The following AGBL1 variants were observed in gnomAD, a reference collection of about 807,000 sequenced individuals.
AGBL1 encodes the protein AGBL carboxypeptidase 1, also known as cytosolic carboxypeptidase 4.
Under a neutral mutation model 118.9 loss-of-function variants are expected in AGBL1, and 130 were observed. The observed-to-expected ratio is 1.09, with a 90% CI of 0.95 to 1.26. AGBL1 has a LOEUF of 1.26. Among genes scored for constraint, AGBL1 ranks in the 50% most tolerant of loss-of-function variants. The probability of loss-of-function intolerance (pLI) is 0.00; values close to 1 mark genes in which losing one functional copy is unlikely to be tolerated. For missense variants in AGBL1, 1,584 were observed against 1,298.1 expected, an observed-to-expected ratio of 1.22 and a Z score of -3.38; for synonymous variants, 555 against 478.9, an observed-to-expected ratio of 1.16 and a Z score of -2.08.
At chr15:87,006,404 C>A (rs1252360208) in intron 24 of AGBL1, among the ~76,000 whole-genome samples, 2 of 152,170 alleles carry the variant, frequency 1.3e-5, no homozygotes, top group Admixed American at 6.5e-5. Flanking sequence ...GGTGCCCCTC[C>A]CCGAGCCTCG....
intron 22 of AGBL1, among the ~76,000 whole-genome samples, chr15:86,762,414 T>C (rs893375076): frequency 2.0e-5 from 3 of 151,912 alleles, no homozygotes; most frequent in Admixed American, 2.0e-4. Flanking sequence ...AAGATGAGCG[T>C]CCTAACAAGT....
intron 24 of AGBL1, among the ~76,000 whole-genome samples, chr15:87,024,637 T>C (rs983923297): frequency 1.3e-5 from 2 of 152,040 alleles, no homozygotes; most frequent in Admixed American, 6.6e-5. Context: ...TAAATCATTC[T>C]ATGAAGCCAG....
intron 18 of AGBL1, among the ~76,000 whole-genome samples, chr15:86,452,182 A>C (rs145783016): frequency 6.6e-6 from 1 of 152,236 alleles, no homozygotes; most frequent in African/African-American, 2.4e-5. Context: ...CCTGTTCCCC[A>C]TTATAGGCAT....
At chr15:86,805,848 A>G (rs1000389130) in intron 22 of AGBL1, among the ~76,000 whole-genome samples, 1 of 152,176 alleles carries the variant, frequency 6.6e-6, no homozygotes, top group Non-Finnish European at 1.5e-5. Context: ...AACTCGTACT[A>G]TGAATAAGTC....
intron 1 of AGBL1, among the ~76,000 whole-genome samples, chr15:86,133,833 A>G (rs891132830): frequency 6.6e-6 from 1 of 152,152 alleles, no homozygotes; most frequent in Non-Finnish European, 1.5e-5. Context: ...AGTATATGCC[A>G]TTTATTTTTT....
intron 22 of AGBL1, among the ~76,000 whole-genome samples, chr15:86,891,264 T>C: frequency 6.6e-6 from 1 of 152,164 alleles, no homozygotes. Context: ...AAATTTCTTA[T>C]CAGCTTAAGA....
At chr15:86,627,586 T>C (rs891705480) in intron 21 of AGBL1, among the ~76,000 whole-genome samples, 1 of 151,906 alleles carries the variant, frequency 6.6e-6, no homozygotes, top group Non-Finnish European at 1.5e-5. Context: ...TCATAATGAG[T>C]GGCAAATTCC....
chr15:86,757,738 C>G (rs1002907169), intron 22 of AGBL1, among the ~76,000 whole-genome samples: 3 of 152,066 alleles, frequency 2.0e-5, no homozygotes, highest in Non-Finnish European at 4.4e-5. Flanking sequence ...TTTCTTTCCT[C>G]CCGCTGGTCC....
At chr15:86,969,188 T>G (rs975285763) in intron 23 of AGBL1, among the ~76,000 whole-genome samples, 1 of 151,950 alleles carries the variant, frequency 6.6e-6, no homozygotes, top group Non-Finnish European at 1.5e-5. Flanking sequence ...AAATCAGGTG[T>G]GGGTGAGACT....
chr15:86,563,068 A>G (rs1484973340), intron 21 of AGBL1, among the ~76,000 whole-genome samples: 3 of 151,784 alleles, frequency 2.0e-5, no homozygotes, highest in Non-Finnish European at 4.4e-5. Context: ...CAGTCTATCA[A>G]TTTTGTTGAT....
At chr15:86,215,926 A>G (rs1190080022) in intron 5 of AGBL1, among the ~76,000 whole-genome samples, 1 of 152,142 alleles carries the variant, frequency 6.6e-6, no homozygotes, top group Non-Finnish European at 1.5e-5. Flanking sequence ...AATCTTTAGC[A>G]ATATTTTTTC....
At chr15:86,664,225 A>C (rs963990940) in intron 21 of AGBL1, among the ~76,000 whole-genome samples, 1 of 152,208 alleles carries the variant, frequency 6.6e-6, no homozygotes, top group Non-Finnish European at 1.5e-5. Context: ...GAAAGCTGGC[A>C]GAGACACCAA....
At chr15:86,153,804 G>A (rs1282058648) in intron 3 of AGBL1, among the ~76,000 whole-genome samples, 3 of 152,042 alleles carry the variant, frequency 2.0e-5, no homozygotes, top group Admixed American at 6.5e-5. Context: ...ACATTTTGCC[G>A]TATTTTCTTC....
intron 22 of AGBL1, among the ~76,000 whole-genome samples, chr15:86,775,094 G>C (rs1254121132): frequency 6.6e-6 from 1 of 152,140 alleles, no homozygotes; most frequent in Non-Finnish European, 1.5e-5. Flanking sequence ...CATGATTCCT[G>C]CCCTTGCAGC....
At chr15:86,176,564 G>A (rs1416725797) in intron 5 of AGBL1, among the ~76,000 whole-genome samples, 1 of 151,910 alleles carries the variant, frequency 6.6e-6, no homozygotes, top group Non-Finnish European at 1.5e-5. Context: ...GAGTGCTGGG[G>A]ACCTGGCTGC....
intron 22 of AGBL1, among the ~76,000 whole-genome samples, chr15:86,778,391 C>T (rs1297113169): frequency 1.3e-5 from 2 of 152,142 alleles, no homozygotes; most frequent in Admixed American, 6.6e-5. Context: ...CAGGAATTTC[C>T]TTGTCCTAAT....
chr15:86,310,841 A>T lies in AGBL1; in HGVS notation c.2374+15433A>T, dbSNP rs1228175520. The stretch of plus-strand genomic sequence containing the variant: ...TATGGATTTTTGGGATCACATATGG[A>T]TCATAAATTCAAACGTATGTGAGGA... On this transcript the variant is annotated intron_variant, in intron 17 of 22. Transcript: ENST00000614907. Among the ~76,000 whole-genome samples the T allele has an allele frequency of 2.0e-5, 3 of 152,200 alleles. No individual in the cohort carries two copies. In the East Asian group the frequency reaches 5.8e-4, roughly 29 times the overall value.
chr15:86,615,092 A>G lies in AGBL1; in HGVS notation c.2995-59181A>G, dbSNP rs763496047. Among the ~76,000 whole-genome samples, 9 of 152,236 alleles carry G rather than the reference A, an allele frequency of 5.9e-5. No homozygotes were observed. The highest frequency in any genetic ancestry group is 1.0e-4 in the Non-Finnish European group (7 of 68,044). Reference sequence around the variant, plus strand: ...AGAAAAGGTTAGGACTAGAATGTCAAATGTCTTGAGTGACACATTAAGCAG... The same window carrying G: ...AGAAAAGGTTAGGACTAGAATGTCAGATGTCTTGAGTGACACATTAAGCAG... On this transcript the variant is annotated intron_variant, in intron 21 of 22. Coordinates refer to ENST00000614907, the MANE Select transcript of AGBL1 (RefSeq NM_001386094.1). This position sits in a 1 kb window ranked among gnomAD's most constrained non-coding sequence, Gnocchi z 4.3.
At chr15:87,009,677 C>G (rs990861832) in intron 24 of AGBL1, among the ~76,000 whole-genome samples, 7 of 152,202 alleles carry the variant, frequency 4.6e-5, no homozygotes, top group Admixed American at 3.9e-4. Context: ...GAGGGAGGCT[C>G]TACCCTGTGA....
Sources: allele counts gnomAD v4.1 joint callset (sites outside exome capture counted in the v4.1 genomes callset), GRCh38; gene constraint gnomAD v4.1.1; non-coding constraint Gnocchi (gnomAD v3.1); transcripts MANE v1.5; gene names NCBI Gene and HGNC (gene_info 2026-07-23, HGNC 2026-07-21).